Variants in KCNMA1 observed in about 807,000 individuals in gnomAD.
The protein encoded by KCNMA1 is Calcium-activated potassium channel subunit alpha-1.
KCNMA1 carries 29 observed loss-of-function variants against 140.0 expected under a neutral mutation model. The ratio of observed to expected loss-of-function variants is 0.21; its 90% CI spans 0.15 to 0.28. The LOEUF is 0.28. KCNMA1 is among the 10% of genes least tolerant of loss of function. The pLI, the probability that KCNMA1 is intolerant of heterozygous loss-of-function variation, is 1.00. For synonymous variants in KCNMA1, 612 were observed against 611.9 expected (o/e 1.00, Z 0.00); for missense variants, 880 against 1,602.2 (o/e 0.55, Z 7.70).
At chr10:76,893,409 G>T in intron 25 of KCNMA1, among the ~76,000 whole-genome samples, 1 of 152,108 alleles carries the variant, frequency 6.6e-6, no homozygotes, top group East Asian at 1.9e-4. Flanking sequence ...TAAAAACCAA[G>T]CAAGGGATTT....
chr10:77,328,876 T>C (rs927121633), intron 2 of KCNMA1, among the ~76,000 whole-genome samples: 18 of 152,210 alleles, frequency 1.2e-4, no homozygotes, highest in African/African-American at 4.1e-4. Flanking sequence ...AGTCTTGCAC[T>C]GTCACCCAGG....
chr10:77,553,781 A>G (rs1031668013), intron 1 of KCNMA1, among the ~76,000 whole-genome samples: 2 of 152,206 alleles, frequency 1.3e-5, no homozygotes, highest in Admixed American at 1.3e-4. Context: ...GGTAACCAAA[A>G]GGACAGAAGG....
chr10:77,627,575 A>G (rs2092686588), intron 1 of KCNMA1, among the ~76,000 whole-genome samples: 2 of 152,216 alleles, frequency 1.3e-5, no homozygotes, highest in South Asian at 2.1e-4. Flanking sequence ...AGTGGCCTTC[A>G]TGGAGGAAAC....
intron 2 of KCNMA1, among the ~76,000 whole-genome samples, chr10:77,313,005 G>A (rs2079756691): frequency 6.6e-6 from 1 of 152,160 alleles, no homozygotes; most frequent in South Asian, 2.1e-4. Flanking sequence ...CAGAAATCCA[G>A]AAGTTCAGGG....
intron 13 of KCNMA1, among the ~76,000 whole-genome samples, chr10:77,076,087 C>G (rs547135725): frequency 5.3e-5 from 8 of 151,950 alleles, no homozygotes; most frequent in Non-Finnish European, 7.4e-5. Context: ...TCACTACATA[C>G]AATTTTGGGA....
At chr10:77,040,170 G>A (rs1038653263) in intron 14 of KCNMA1, among the ~76,000 whole-genome samples, 2 of 151,820 alleles carry the variant, frequency 1.3e-5, no homozygotes, top group African/African-American at 2.4e-5. Context: ...GTGAGCCACC[G>A]TGCACAGTCT....
chr10:77,191,340 A>C (rs937625107), intron 3 of KCNMA1, among the ~76,000 whole-genome samples: 1 of 152,208 alleles, frequency 6.6e-6, no homozygotes, highest in African/African-American at 2.4e-5. Flanking sequence ...TTCATCATTG[A>C]GAAAGCAATA....
chr10:77,361,785 T>G (rs1161386815), intron 2 of KCNMA1, among the ~76,000 whole-genome samples: 2 of 152,334 alleles, frequency 1.3e-5, no homozygotes, highest in East Asian at 3.9e-4. Flanking sequence ...TGCCCGTGGC[T>G]GGCCCAGAAG....
intron 2 of KCNMA1, among the ~76,000 whole-genome samples, chr10:77,334,278 T>C (rs1008959235): frequency 5.9e-5 from 9 of 152,176 alleles, no homozygotes; most frequent in Non-Finnish European, 8.8e-5. Context: ...GGGGAGTTCA[T>C]TGTAAGACTC....
At chr10:77,510,048 C>T (rs1271067033) in intron 1 of KCNMA1, among the ~76,000 whole-genome samples, 1 of 152,114 alleles carries the variant, frequency 6.6e-6, no homozygotes, top group African/African-American at 2.4e-5. Context: ...CCTTTCTCCC[C>T]ACTCCTACCC....
At chr10:76,879,175 T>C (rs2033484732) in intron 29 of KCNMA1, among the ~76,000 whole-genome samples, 1 of 152,128 alleles carries the variant, frequency 6.6e-6, no homozygotes, top group African/African-American at 2.4e-5. Context: ...CTCTGCTTGT[T>C]TCTCCTCAGT....
chr10:77,545,257 C>T (rs2061167992), intron 1 of KCNMA1, among the ~76,000 whole-genome samples: 1 of 152,210 alleles, frequency 6.6e-6, no homozygotes, highest in African/African-American at 2.4e-5. Context: ...TAATTTATGT[C>T]TGACACGGAA....
At chr10:77,178,114 A>G (rs2098769612) in intron 5 of KCNMA1, among the ~76,000 whole-genome samples, 1 of 152,166 alleles carries the variant, frequency 6.6e-6, no homozygotes. Context: ...GAAGGTTTTA[A>G]GGTTTAAGGT....
chr10:77,365,159 C>T (rs2094264202), intron 2 of KCNMA1, among the ~76,000 whole-genome samples: 1 of 152,176 alleles, frequency 6.6e-6, no homozygotes, highest in Non-Finnish European at 1.5e-5. Context: ...AGGTTCCTCA[C>T]CAGTGCTCAA....
chr10:77,079,214 G>A (rs1423708867), intron 13 of KCNMA1, among the ~76,000 whole-genome samples: 2 of 152,056 alleles, frequency 1.3e-5, no homozygotes, highest in Non-Finnish European at 2.9e-5. Context: ...AGGTTGTGGG[G>A]AGTCAAGATC....
In KCNMA1 at chr10:77,027,872, T is replaced by G; in HGVS notation, c.1879A>C (p.Lys627Gln). The change falls in exon 16 of 28, where the codon AAG (lysine) becomes CAG (glutamine). Residue 627 changes from lysine to glutamine, a missense_variant. By Grantham distance (53) the Lys-to-Gln change is moderately conservative. Coordinates refer to ENST00000286628, the MANE Select transcript of KCNMA1 (RefSeq NM_001161352.2). ...TACTCAATGGCTATCATTAGGAGCT[T>G]GAGCTTCACAAAACACAGCCTGCAA... is the stretch of plus-strand genomic sequence containing the variant. The part of the protein sequence containing the change: ...TVCELCFVKL[K>Q]LLMIAIEYKS... 1.2e-6 allele frequency: 2 copies of G among 1,613,836 alleles called. No individual in the cohort carries two copies. The highest frequency in any genetic ancestry group is 1.3e-5 in the African/African-American group (1 of 75,022).
intron 1 of KCNMA1, among the ~76,000 whole-genome samples, chr10:77,550,245 G>A (rs896944435): frequency 2.0e-5 from 3 of 152,178 alleles, no homozygotes; most frequent in Non-Finnish European, 4.4e-5. Flanking sequence ...CTACTCCCAA[G>A]CCCAGTGGGA....
In KCNMA1 at chr10:77,090,515, A is replaced by C. The variant is rs1375112021; in HGVS notation, c.1224-5T>G. 2 of 1,598,902 alleles carry C rather than the reference A, an allele frequency of 1.3e-6. No individual in the cohort carries two copies. ...TGTCCGCAGACCACAATGTGCCTGA[A>C]CAGGAGAGGCCAGTTAGATCAGGCC... On this transcript the variant is annotated splice_polypyrimidine_tract_variant and splice_region_variant and intron_variant, in intron 9 of 27. Transcript: ENST00000286628.
chr10:76,921,163 T>C (rs2055616721), intron 23 of KCNMA1, among the ~76,000 whole-genome samples: 1 of 152,192 alleles, frequency 6.6e-6, no homozygotes, highest in South Asian at 2.1e-4. Context: ...TATCTTTTAT[T>C]GTGTGCATAT....
Sources: gnomAD v4.1 joint callset for allele counts (sites outside exome capture counted in the v4.1 genomes callset) on GRCh38, gnomAD v4.1.1 for gene constraint, MANE v1.5 for transcripts, NCBI Gene and HGNC (gene_info 2026-07-23, HGNC 2026-07-21) for gene names.